Variants in CACNA1C observed in about 807,000 individuals in gnomAD.
CACNA1C encodes the protein calcium voltage-gated channel subunit alpha1 C, also known as voltage-dependent L-type calcium channel subunit alpha-1C.
A neutral mutation model predicts 229.0 loss-of-function variants in CACNA1C; 30 were observed. That is an observed-to-expected ratio of 0.13 (90% CI 0.10 to 0.18). CACNA1C has a LOEUF of 0.18. Ranked by LOEUF, CACNA1C falls within the 10% of genes least tolerant of loss-of-function variation. CACNA1C has a pLI of 1.00. For missense variants in CACNA1C, 1,658 were observed against 2,845.0 expected (o/e 0.58, Z 9.49); for synonymous variants, 1,114 against 1,132.5 (o/e 0.98, Z 0.33).
intron 3 of CACNA1C, among the ~76,000 whole-genome samples, chr12:2,244,149 G>A (rs961328258): frequency 3.3e-5 from 5 of 152,222 alleles, no homozygotes; most frequent in Admixed American, 1.3e-4. Flanking sequence ...TCATCTATCT[G>A]TTTCAGGGCC....
At chr12:2,562,397 C>T (rs1390191036) in intron 11 of CACNA1C, among the ~76,000 whole-genome samples, 1 of 152,222 alleles carries the variant, frequency 6.6e-6, no homozygotes, top group Admixed American at 6.5e-5. Flanking sequence ...CTATTTAAAA[C>T]ATGTTCTTTG....
chr12:2,426,170 G>A (rs968495756), intron 3 of CACNA1C, among the ~76,000 whole-genome samples: 9 of 152,122 alleles, frequency 5.9e-5, no homozygotes, highest in African/African-American at 2.2e-4. Flanking sequence ...ATCAATCAAT[G>A]AGCAGTACAT....
At position 2,504,776 on chromosome 12, in the gene CACNA1C, G is replaced by A. The variant is rs2099767994; in HGVS notation, c.1114-66G>A. ...TGCGTGGGTCAGTGTCTCGGGAGCC[G>A]GGGACCGGCACTGGCCGTGCTCGGT... On this transcript the variant is annotated intron_variant, in intron 7 of 46. Coordinates refer to ENST00000399655, the MANE Select transcript of CACNA1C (RefSeq NM_000719.7). This position sits in a 1 kb window ranked among gnomAD's most constrained non-coding sequence, Gnocchi z 6.8. The A allele has an allele frequency of 3.8e-5, 38 of 1,010,174 alleles. No homozygotes were observed. Among genetic ancestry groups the A allele is most frequent in the South Asian group, 3.7e-4 (28 of 75,664 alleles). The allele number at this position is 1,010,174 out of a possible 1,614,324, so 62.6% of individuals were successfully genotyped here.
chr12:2,545,075 T>G (rs751092096), intron 9 of CACNA1C, among the ~76,000 whole-genome samples: 3 of 152,224 alleles, frequency 2.0e-5, no homozygotes, highest in South Asian at 2.1e-4. Flanking sequence ...CTTTGGAGCT[T>G]CTTCTCCATC....
chr12:2,235,965 G>T (rs1319125595), intron 3 of CACNA1C, among the ~76,000 whole-genome samples: 1 of 152,136 alleles, frequency 6.6e-6, no homozygotes, highest in Non-Finnish European at 1.5e-5. Flanking sequence ...CATTACCATT[G>T]TCCCTGTTTT....
At chr12:2,359,076 T>G (rs2097480470) in intron 3 of CACNA1C, among the ~76,000 whole-genome samples, 1 of 152,240 alleles carries the variant, frequency 6.6e-6, no homozygotes, top group African/African-American at 2.4e-5. Context: ...GAAAGCTTTT[T>G]GCCTTCCTTA....
chr12:2,463,011 C>G (rs957822783), intron 5 of CACNA1C, among the ~76,000 whole-genome samples: 9 of 146,670 alleles, frequency 6.1e-5, no homozygotes, highest in Non-Finnish European at 1.3e-4. Flanking sequence ...CTCCTGGGTT[C>G]ACGCCATTCT....
At chr12:2,645,628 C>T (rs1192948238) in intron 30 of CACNA1C, among the ~76,000 whole-genome samples, 1 of 152,114 alleles carries the variant, frequency 6.6e-6, no homozygotes, top group Non-Finnish European at 1.5e-5. Flanking sequence ...TAGGAAACGC[C>T]CAGGGCATCA....
At chr12:2,282,210 G>C (rs545788794) in intron 3 of CACNA1C, among the ~76,000 whole-genome samples, 1 of 152,138 alleles carries the variant, frequency 6.6e-6, no homozygotes, top group African/African-American at 2.4e-5. Flanking sequence ...GGGAACACAG[G>C]GGGTGACATT....
At chr12:2,231,918 A>AT (rs758928497) in intron 3 of CACNA1C, among the ~76,000 whole-genome samples, 166 of 151,336 alleles carry the variant, frequency 1.1e-3, no homozygotes, top group Non-Finnish European at 1.5e-3. Context: ...TTGTCTTTTT[A>AT]TTTTTTTTTA....
chr12:2,597,014 C>G lies in CACNA1C; in HGVS notation c.2794-216C>G, dbSNP rs1166542874. Among the ~76,000 whole-genome samples the G allele has an allele frequency of 6.6e-6, 1 of 152,110 alleles. No individual in the cohort carries two copies. The highest frequency in any genetic ancestry group is 1.5e-5 in the Non-Finnish European group (1 of 68,018). On this transcript the variant is annotated intron_variant, in intron 20 of 46. Coordinates refer to ENST00000399655, the MANE Select transcript of CACNA1C (RefSeq NM_000719.7). This position sits in a 1 kb window ranked among gnomAD's most constrained non-coding sequence, Gnocchi z 4.3. ...ACTTATCTGGGGGCTTCAAGGGAAG[C>G]CGCTGTGCTGCCTGAGGCTAGCCCC...
At chr12:2,167,007 A>G (rs900798219) in intron 3 of CACNA1C, among the ~76,000 whole-genome samples, 3 of 152,358 alleles carry the variant, frequency 2.0e-5, no homozygotes, top group Admixed American at 1.3e-4. Context: ...AGGGCGACCC[A>G]TGAGTCAACA....
At chr12:2,385,745 T>G (rs995193902) in intron 3 of CACNA1C, among the ~76,000 whole-genome samples, 1 of 152,250 alleles carries the variant, frequency 6.6e-6, no homozygotes, top group Non-Finnish European at 1.5e-5. Flanking sequence ...TATAAACTCC[T>G]TAACATGGGC....
chr12:2,429,378 G>C (rs1377876978), intron 3 of CACNA1C, among the ~76,000 whole-genome samples: 1 of 152,114 alleles, frequency 6.6e-6, no homozygotes, highest in Non-Finnish European at 1.5e-5. Flanking sequence ...AGGAGTCTGC[G>C]CTCTCCTCGG....
intron 3 of CACNA1C, among the ~76,000 whole-genome samples, chr12:2,265,923 C>T (rs1040733763): frequency 3.3e-5 from 5 of 152,258 alleles, no homozygotes; most frequent in Non-Finnish European, 7.3e-5. Flanking sequence ...TGTTATTTAT[C>T]TCAGCATCTC....
chr12:2,148,013 A>G (rs1398053288), intron 3 of CACNA1C, among the ~76,000 whole-genome samples: 1 of 151,380 alleles, frequency 6.6e-6, no homozygotes, highest in Non-Finnish European at 1.5e-5. Context: ...GTATGTTTAC[A>G]TGCATATATA....
chr12:2,480,783 C>G (rs556498568), intron 5 of CACNA1C, among the ~76,000 whole-genome samples: 32 of 152,302 alleles, frequency 2.1e-4, no homozygotes, highest in African/African-American at 7.7e-4. Flanking sequence ...TTCATACTTT[C>G]CTAAGGCTTG....
intron 3 of CACNA1C, among the ~76,000 whole-genome samples, chr12:2,166,905 TGCGCCCTCCTTGCCA>T: frequency 6.6e-6 from 1 of 152,194 alleles, no homozygotes; most frequent in Non-Finnish European, 1.5e-5. Context: ...CTGCAGTGCC[TGCGCCCTCCTTGCCA>T]CAGAAATAAC....
chr12:2,641,615 A>G (rs2153605964), intron 30 of CACNA1C: 1 of 659,446 alleles, frequency 1.5e-6, no homozygotes, highest in Non-Finnish European at 2.8e-6. Flanking sequence ...TGCTACCAAG[A>G]TGCCTTGTTT....
Sources: allele counts gnomAD v4.1 joint callset (sites outside exome capture counted in the v4.1 genomes callset), GRCh38; gene constraint gnomAD v4.1.1; non-coding constraint Gnocchi (gnomAD v3.1); transcripts MANE v1.5; gene names NCBI Gene and HGNC (gene_info 2026-07-23, HGNC 2026-07-21).